PCDH11X: variants seen among roughly 807,000 people sequenced by gnomAD.
PCDH11X encodes the protein protocadherin 11 X-linked.
PCDH11X carries 18 observed loss-of-function variants against 53.3 expected under a neutral mutation model. The observed-to-expected ratio is 0.34, with a 90% confidence interval of 0.23 to 0.50. The LOEUF (loss-of-function observed/expected upper bound fraction) is 0.50. Ranked by LOEUF, PCDH11X falls within the 20% of genes least tolerant of loss-of-function variation. The pLI is 0.98. For synonymous variants in PCDH11X, 279 were observed against 393.3 expected, an observed-to-expected ratio of 0.71 and a Z score of 3.44; for missense variants, 570 against 1,032.4, an observed-to-expected ratio of 0.55 and a Z score of 6.14.
intron 7 of PCDH11X, among the ~76,000 whole-genome samples, chrX:92,227,294 A>G (rs2066988543): frequency 1.8e-5 from 2 of 108,821 alleles, no homozygotes; most frequent in Non-Finnish European, 3.8e-5. Flanking sequence ...TCTGTTTTCT[A>G]TTTTTTTTTC....
At chrX:92,097,902 A>G (rs982830560) in intron 6 of PCDH11X, among the ~76,000 whole-genome samples, 2 of 110,713 alleles carry the variant, frequency 1.8e-5, no homozygotes, top group African/African-American at 6.6e-5. Flanking sequence ...ACCTAATACA[A>G]TGTAAATGCT....
chrX:92,381,488 A>G (rs2148565141), intron 8 of PCDH11X, among the ~76,000 whole-genome samples: 1 of 112,111 alleles, frequency 8.9e-6, no homozygotes, highest in Admixed American at 9.6e-5. Context: ...CAATTTTATT[A>G]GGAATACATT....
intron 7 of PCDH11X, among the ~76,000 whole-genome samples, chrX:92,258,729 CTCT>C (rs2067652914): frequency 9.0e-6 from 1 of 111,141 alleles, no homozygotes; most frequent in Admixed American, 9.5e-5. Context: ...CTTTTTTTTT[CTCT>C]TCTTCCACAT....
chrX:91,866,402 A>G (rs1002032054), intron 5 of PCDH11X, among the ~76,000 whole-genome samples: 4 of 110,523 alleles, frequency 3.6e-5, no homozygotes, highest in African/African-American at 1.3e-4. Flanking sequence ...TGAGAATTCA[A>G]ATTTGGACCA....
At chrX:92,459,851 G>A (rs2072996300) in intron 9 of PCDH11X, 1 of 1,109,046 alleles carries the variant, frequency 9.0e-7, no homozygotes, top group Non-Finnish European at 1.2e-6. Flanking sequence ...GGGCCTGGGG[G>A]CCTGGCCGCG....
At chrX:92,381,672 G>A in intron 8 of PCDH11X, among the ~76,000 whole-genome samples, 1 of 111,301 alleles carries the variant, frequency 9.0e-6, no homozygotes, top group African/African-American at 3.3e-5. Context: ...TCTAATCCAA[G>A]TCAGAAACCA....
intron 8 of PCDH11X, among the ~76,000 whole-genome samples, chrX:92,331,720 C>T (rs1023623017): frequency 1.1e-4 from 12 of 110,506 alleles, no homozygotes; most frequent in African/African-American, 3.9e-4. Flanking sequence ...ATATTTTATT[C>T]AAATGGTTTT....
chrX:92,131,527 G>A (rs35776603), intron 6 of PCDH11X, among the ~76,000 whole-genome samples: 2 of 111,342 alleles, frequency 1.8e-5, no homozygotes, highest in South Asian at 7.6e-4. Flanking sequence ...TTCTGCAACC[G>A]GTTACAGGGA....
At position 91,868,585 on chromosome X, in the gene PCDH11X, T is replaced by A. The variant is rs3795210; in HGVS notation, c.541-8196T>A. Among the ~76,000 whole-genome samples, 447 of 111,745 alleles carry A rather than the reference T, an allele frequency of 4.0e-3. 4 individuals are homozygous for A. The highest frequency in any genetic ancestry group is 0.027 in the Admixed American group (287 of 10,517). On this transcript the variant is annotated intron_variant, in intron 5 of 10. Transcript: ENST00000682573. ...AACACCTTCATATGATCTTAAATTT[T>A]TAGCACTATTTTCCCTTCTTGAAGT...
At chrX:92,228,005 G>A (rs2067001816) in intron 7 of PCDH11X, among the ~76,000 whole-genome samples, 1 of 111,198 alleles carries the variant, frequency 9.0e-6, no homozygotes, top group African/African-American at 3.3e-5. Flanking sequence ...AAAACAGACA[G>A]CAAAAACTGT....
At chrX:92,245,181 A>T (rs1189880465) in intron 7 of PCDH11X, among the ~76,000 whole-genome samples, 2 of 112,794 alleles carry the variant, frequency 1.8e-5, no homozygotes, top group Non-Finnish European at 3.8e-5. Context: ...ATGAGCCTCT[A>T]GGGGAATGAA....
intron 8 of PCDH11X, among the ~76,000 whole-genome samples, chrX:92,272,052 A>G (rs751581994): frequency 7.7e-4 from 86 of 111,925 alleles, no homozygotes; most frequent in African/African-American, 2.7e-3. Context: ...AAGTATCTGG[A>G]TGTAAAAGTG....
chrX:92,158,705 G>A (rs74964344), intron 6 of PCDH11X, among the ~76,000 whole-genome samples: 7 of 109,866 alleles, frequency 6.4e-5, no homozygotes, highest in Middle Eastern at 4.7e-3. Flanking sequence ...GCGGGATCTC[G>A]GCTCACTGAA....
intron 10 of PCDH11X, among the ~76,000 whole-genome samples, chrX:92,549,662 T>A (rs1450594393): frequency 9.4e-6 from 1 of 106,543 alleles, no homozygotes; most frequent in Non-Finnish European, 1.9e-5. Context: ...ATTTATTTAA[T>A]CTCTCCCTAA....
At chrX:92,479,215 T>C (rs776622932) in intron 10 of PCDH11X, among the ~76,000 whole-genome samples, 1 of 108,738 alleles carries the variant, frequency 9.2e-6, no homozygotes, top group East Asian at 2.9e-4. Context: ...TGTTTGTATA[T>C]TTTTTTCTAT....
chrX:91,882,081 G>T (rs770965750), intron 6 of PCDH11X, among the ~76,000 whole-genome samples: 2 of 109,422 alleles, frequency 1.8e-5, no homozygotes, highest in East Asian at 5.8e-4. Flanking sequence ...TCATTCTATA[G>T]GTTGTTTTTC....
chrX:92,277,091 G>T (rs376204918), intron 8 of PCDH11X, among the ~76,000 whole-genome samples: 110 of 110,255 alleles, frequency 1.0e-3, no homozygotes, highest in Middle Eastern at 4.7e-3. Flanking sequence ...GCTCAGCCTG[G>T]CGAGGAGGGG....
rs144401463 is a variant in PCDH11X at position 92,402,601 on chromosome X, G to T, written c.3343+14668G>T. Among the ~76,000 whole-genome samples, 75 of 111,656 alleles carry T rather than the reference G, an allele frequency of 6.7e-4. No individual in the cohort carries two copies. In the East Asian group the frequency reaches 7.1e-3, roughly 11 times the overall value. On this transcript the variant is annotated intron_variant, in intron 9 of 10. Coordinates refer to ENST00000682573, the MANE Select transcript of PCDH11X (RefSeq NM_032968.5). Reference sequence around the variant, plus strand: ...ATATGCAGAAGATTGAAGCTGGACCGCTTCCTTACACCGTATACAAAAATC... The same window carrying T: ...ATATGCAGAAGATTGAAGCTGGACCTCTTCCTTACACCGTATACAAAAATC...
At chrX:92,531,914 T>G (rs984128625) in intron 10 of PCDH11X, among the ~76,000 whole-genome samples, 1 of 111,770 alleles carries the variant, frequency 8.9e-6, no homozygotes, top group Non-Finnish European at 1.9e-5. Flanking sequence ...AGAATTTCTG[T>G]CTTGTTACTA....
Sources: gnomAD v4.1 joint callset for allele counts (sites outside exome capture counted in the v4.1 genomes callset) on GRCh38, gnomAD v4.1.1 for gene constraint, MANE v1.5 for transcripts, NCBI Gene and HGNC (gene_info 2026-07-23, HGNC 2026-07-21) for gene names.